Variants in ELAVL4 observed in about 807,000 individuals in gnomAD.
ELAVL4 encodes ELAV-like protein 4.
Under a neutral mutation model 35.6 loss-of-function variants are expected in ELAVL4, and 1 was observed. That is an observed-to-expected ratio of 0.03 (90% CI 0.01 to 0.13). The LOEUF is 0.13. ELAVL4 is among the 10% of genes least tolerant of loss of function. ELAVL4 has a pLI of 1.00. For missense variants in ELAVL4, 267 were observed against 464.9 expected, an observed-to-expected ratio of 0.57 and a Z score of 3.91; for synonymous variants, 156 against 171.0, an observed-to-expected ratio of 0.91 and a Z score of 0.69.
intron 1 of ELAVL4, among the ~76,000 whole-genome samples, chr1:50,073,503 G>A (rs1409452994): frequency 6.6e-6 from 1 of 151,830 alleles, no homozygotes; most frequent in African/African-American, 2.4e-5. Flanking sequence ...ACTAGGTGTT[G>A]AGGTCTGCAA....
At chr1:50,168,840 A>T (rs1678445732) in intron 2 of ELAVL4, among the ~76,000 whole-genome samples, 1 of 151,928 alleles carries the variant, frequency 6.6e-6, no homozygotes, top group Admixed American at 6.6e-5. Flanking sequence ...TCCCAAAACT[A>T]ATTAAAGAAC....
intron 1 of ELAVL4, among the ~76,000 whole-genome samples, chr1:50,060,082 G>C (rs556257126): frequency 2.0e-5 from 3 of 152,086 alleles, no homozygotes; most frequent in Admixed American, 2.0e-4. Flanking sequence ...AAAATGGTTA[G>C]TTTTGTTTTA....
intron 1 of ELAVL4, among the ~76,000 whole-genome samples, chr1:50,078,862 A>G (rs1467693277): frequency 6.6e-6 from 1 of 152,096 alleles, no homozygotes; most frequent in Non-Finnish European, 1.5e-5. Flanking sequence ...GTGGCCATGC[A>G]GGTTATGGCT....
chr1:50,194,011 G>T, intron 4 of ELAVL4, 93 bp downstream of exon 4: 1 of 1,449,746 alleles, frequency 6.9e-7, no homozygotes, highest in Non-Finnish European at 9.3e-7. Context: ...GCTTAAAGCA[G>T]ATGATATGGA....
intron 2 of ELAVL4, among the ~76,000 whole-genome samples, chr1:50,147,955 A>G (rs1674032483): frequency 6.6e-6 from 1 of 152,242 alleles, no homozygotes; most frequent in Admixed American, 6.5e-5. Flanking sequence ...AGCAGGCTAG[A>G]TTCATCCCTG....
chr1:50,162,662 C>A (rs1677009005), intron 2 of ELAVL4, among the ~76,000 whole-genome samples: 1 of 152,154 alleles, frequency 6.6e-6, no homozygotes, highest in African/African-American at 2.4e-5. Flanking sequence ...CGGCTCACTG[C>A]AACCTCTGCC....
intron 1 of ELAVL4, among the ~76,000 whole-genome samples, chr1:50,128,331 G>T (rs898966385): frequency 2.0e-5 from 3 of 152,128 alleles, no homozygotes; most frequent in Admixed American, 2.0e-4. Flanking sequence ...CTTTTGCATT[G>T]ATTCTGAAGA....
chr1:50,078,635 C>T (rs893021086), intron 1 of ELAVL4, among the ~76,000 whole-genome samples: 1 of 152,162 alleles, frequency 6.6e-6, no homozygotes, highest in East Asian at 1.9e-4. Context: ...GGAACTGGAA[C>T]ATTCAGTTCG....
intron 1 of ELAVL4, among the ~76,000 whole-genome samples, chr1:50,060,054 C>A (rs1208181824): frequency 6.6e-6 from 1 of 152,062 alleles, no homozygotes; most frequent in Non-Finnish European, 1.5e-5. Context: ...CTACTAAATG[C>A]CACTGATTGT....
chr1:50,111,489 G>A (rs1234650406), intron 1 of ELAVL4, among the ~76,000 whole-genome samples: 2 of 152,078 alleles, frequency 1.3e-5, no homozygotes, highest in Admixed American at 1.3e-4. Flanking sequence ...GGTGATTTTG[G>A]TATTTTTACT....
At chr1:50,096,539 G>T (rs1665725743) in intron 1 of ELAVL4, among the ~76,000 whole-genome samples, 1 of 151,686 alleles carries the variant, frequency 6.6e-6, no homozygotes, top group Non-Finnish European at 1.5e-5. Flanking sequence ...AGCCTTGAAT[G>T]CCGTACTGAA....
chr1:50,083,763 T>G (rs923597192), intron 1 of ELAVL4, among the ~76,000 whole-genome samples: 2 of 152,210 alleles, frequency 1.3e-5, no homozygotes, highest in Admixed American at 6.5e-5. Context: ...GAATGCTTAC[T>G]GTGAATTTTT....
chr1:50,061,370 C>T (rs1049829204), intron 1 of ELAVL4, among the ~76,000 whole-genome samples: 9 of 152,158 alleles, frequency 5.9e-5, no homozygotes, highest in African/African-American at 2.2e-4. Context: ...GGTCCATTTA[C>T]ACATTTATGT....
At chr1:50,079,768 G>C (rs1177152194) in intron 1 of ELAVL4, among the ~76,000 whole-genome samples, 1 of 152,168 alleles carries the variant, frequency 6.6e-6, no homozygotes, top group Non-Finnish European at 1.5e-5. Context: ...TAAACTTAAG[G>C]TTTTAGTTGT....
intron 1 of ELAVL4, among the ~76,000 whole-genome samples, chr1:50,096,542 G>C (rs751373249): frequency 6.6e-6 from 1 of 151,644 alleles, no homozygotes; most frequent in East Asian, 1.9e-4. Context: ...CTTGAATGCC[G>C]TACTGAATAA....
chr1:50,096,177 G>A (rs148988626), intron 1 of ELAVL4, among the ~76,000 whole-genome samples: 1 of 151,884 alleles, frequency 6.6e-6, no homozygotes, highest in East Asian at 1.9e-4. Context: ...TGCTCAGCTG[G>A]AGGGAAACAA....
chr1:50,113,722 C>T lies in ELAVL4; in HGVS notation c.9+4524C>T, dbSNP rs546956454. On this transcript the variant is annotated intron_variant, in intron 1 of 6. Transcript: ENST00000371824. Reference sequence around the variant, plus strand: ...ATGGGCCATGTTGTACAGATTTGGTCAATTCTCCTTTTGAAAGTAAAGTCA... The same window carrying T: ...ATGGGCCATGTTGTACAGATTTGGTTAATTCTCCTTTTGAAAGTAAAGTCA... 4.6e-5 allele frequency among the ~76,000 whole-genome samples: 7 copies of T among 152,162 alleles called. No homozygotes were observed. The South Asian group carries it at 1.5e-3, about 32-fold the overall frequency.
chr1:50,104,063 T>C (rs4420127), upstream of ELAVL4: 16,242 of 1,585,362 alleles, frequency 0.01, 878 homozygotes, highest in African/African-American at 0.14. Flanking sequence ...GTGGTATTGA[T>C]TGGCTGGATT....
chr1:50,099,262 GA>G (rs1181235172), upstream of ELAVL4, among the ~76,000 whole-genome samples: 4 of 152,156 alleles, frequency 2.6e-5, no homozygotes, highest in African/African-American at 4.8e-5. Flanking sequence ...AGTACAGTGT[GA>G]AAGTAACAAT....
Sources: gnomAD v4.1 joint callset for allele counts (sites outside exome capture counted in the v4.1 genomes callset) on GRCh38, gnomAD v4.1.1 for gene constraint, MANE v1.5 for transcripts, NCBI Gene and HGNC (gene_info 2026-07-23, HGNC 2026-07-21) for gene names.